Variants in KRT34 observed in about 807,000 individuals in gnomAD.
KRT34 encodes the protein keratin 34.
KRT34 carries 31 observed loss-of-function variants against 41.7 expected under a neutral mutation model. The observed-to-expected ratio is 0.74, with a 90% confidence interval of 0.56 to 1.00. KRT34 has a LOEUF of 1.00. Ranked by LOEUF, KRT34 falls within the 50% of genes least tolerant of loss-of-function variation. The pLI is 0.00. For synonymous variants in KRT34, 224 were observed against 212.9 expected (o/e 1.05, Z -0.45); for missense variants, 523 against 500.3 (o/e 1.05, Z -0.43).
At position 41,381,228 on chromosome 17, in the gene KRT34, T is replaced by A. The variant is rs767339688; in HGVS notation, c.432-16A>T. 5.0e-6 allele frequency: 8 copies of A among 1,608,944 alleles called. No individual in the cohort carries two copies. In the East Asian group the frequency reaches 1.6e-4, roughly 31 times the overall value. Reference sequence around the variant, plus strand: ...CGTCTGGTACCTGCACGTGTCGGAGTGGGAGGATAAGTCAGGAAAGAAAAC... The same window carrying A: ...CGTCTGGTACCTGCACGTGTCGGAGAGGGAGGATAAGTCAGGAAAGAAAAC... On this transcript the variant is annotated splice_polypyrimidine_tract_variant and intron_variant, in intron 2 of 6. Transcript: ENST00000394001.
Position 41,378,815 on chromosome 17 carries a change from G to A in KRT34, c.1097+141C>T, listed in dbSNP as rs1360987252. ...GTTCCCTTACCTTTGGCCTCCCTTT[G>A]CTTAGCTATCACAGATCACTGGACA... On this transcript the variant is annotated intron_variant, in intron 6 of 6. Transcript: ENST00000394001. The A allele has an allele frequency of 4.9e-6, 6 of 1,230,718 alleles. No homozygotes were observed. The South Asian group carries it at 7.1e-5, about 15-fold the overall frequency. 76.2% of individuals were successfully genotyped at this position (1,230,718 alleles called of 1,614,324 possible). A position where few individuals can be genotyped will look rare whatever the true frequency, so the allele number is the denominator to read the frequency against.
Position 41,379,097 on chromosome 17 carries a change from G to A in KRT34, c.956C>T (p.Thr319Ile), listed in dbSNP as rs754233528. 1 of 1,614,242 alleles carries A rather than the reference G, an allele frequency of 6.2e-7. No individual in the cohort carries two copies. Among genetic ancestry groups the A allele is most frequent in the Non-Finnish European group, 8.5e-7 (1 of 1,180,046 alleles). The change falls in exon 6 of 7, where the codon ACC becomes ATC. Residue 319 changes from threonine (T) to isoleucine (I), a missense_variant. Physicochemically the swap from Thr to Ile is moderately conservative, Grantham distance 89. Coordinates refer to ENST00000394001, the MANE Select transcript of KRT34 (RefSeq NM_001386014.1). ...CTCTGCCAGCTGAGACTCCACGTTG[G>A]TGATCAGGCTCTGCACCTGGGACAG... ...SQLSQVQSLITNVESQLAEIR... is the reference protein window; with the variant it reads ...SQLSQVQSLIINVESQLAEIR...
In KRT34 at chr17:41,382,209, C is replaced by T. The variant is rs139913573; in HGVS notation, c.38G>A (p.Arg13His). ...YSCCLPSLGC[R>H]TSCSSRPCVP... ...GCAGGGCCGGGAGGAGCAGCTGGTG[C>T]GGCAGCCCAGGCTGGGCAGGCAACA... The change falls in exon 1 of 7, where the codon CGC becomes CAC. Residue 13 changes from arginine (R) to histidine (H), a missense_variant. Coordinates refer to ENST00000394001, the MANE Select transcript of KRT34 (RefSeq NM_001386014.1). The T allele has an allele frequency of 4.0e-5, 64 of 1,612,410 alleles. No homozygotes were observed. The East Asian group carries it at 5.6e-4, about 14-fold the overall frequency.
In KRT34 at chr17:41,380,216, G is replaced by A. The variant is rs181890901; in HGVS notation, c.589-485C>T. ...GGATGTTACAGTGAGCCTAGATCACGCCACTGCACTCCAGCCTGGTGACAG... is the reference window on the plus strand; with the variant it reads ...GGATGTTACAGTGAGCCTAGATCACACCACTGCACTCCAGCCTGGTGACAG... On this transcript the variant is annotated intron_variant, in intron 3 of 6. Coordinates refer to ENST00000394001, the MANE Select transcript of KRT34 (RefSeq NM_001386014.1). 2.1e-4 allele frequency among the ~76,000 whole-genome samples: 31 copies of A among 150,924 alleles called. No individual in the cohort carries two copies. In the East Asian group the frequency reaches 5.7e-3, roughly 28 times the overall value.
At chr17:41,379,279 T>C in intron 5 of KRT34, 74 bp downstream of exon 5, 1 of 1,610,358 alleles carries the variant, frequency 6.2e-7, no homozygotes, top group Non-Finnish European at 8.5e-7. Flanking sequence ...GGAGAGTGTG[T>C]GGCCCCAAGC....
At chr17:41,379,542 C>T (rs1264857064) in intron 4 of KRT34, 28 bp downstream of exon 4, 1 of 1,613,874 alleles carries the variant, frequency 6.2e-7, no homozygotes, top group Non-Finnish European at 8.5e-7. Context: ...ACCTCGGGTC[C>T]TGAGTGGCCA....
chr17:41,378,266 T>TTTTTG lies in KRT34; in HGVS notation c.1098-125_1098-121dup, dbSNP rs1382396647. On this transcript the variant is annotated intron_variant, in intron 6 of 6. Coordinates refer to ENST00000394001, the MANE Select transcript of KRT34 (RefSeq NM_001386014.1). The stretch of plus-strand genomic sequence containing the variant: ...GCTGGAGTTAGTTGGAATCAAGTTC[T>TTTTTG]TTTTGTTTTGTTTTGTTTTGTTTTT... The TTTTTG allele has an allele frequency of 1.2e-4, 91 of 737,010 alleles. 1 individual carries two copies. The highest frequency in any genetic ancestry group is 9.0e-4 in the East Asian group (35 of 38,898). The allele number at this position is 737,010 out of a possible 1,614,324, so 45.7% of individuals were successfully genotyped here.
At position 41,381,717 on chromosome 17, in the gene KRT34, T is replaced by G. The variant is rs2017988618; in HGVS notation, c.427A>C (p.Ser143Arg). Reference sequence around the variant, plus strand: ...GGACCTTGAAGTTCAACATACTTGCTTCTGAAGTCGTCAGAGGCCAGCTTG... The same window carrying G: ...GGACCTTGAAGTTCAACATACTTGCGTCTGAAGTCGTCAGAGGCCAGCTTG... ...NAKLASDDFRSKYQTEQSLRL... is the reference protein window; with the variant it reads ...NAKLASDDFRRKYQTEQSLRL... The change falls in exon 2 of 7, where the codon AGC (serine) becomes CGC (arginine). Residue 143 changes from serine (S) to arginine (R), a missense_variant. By Grantham distance (110) the Ser-to-Arg change is moderately radical (BLOSUM62 -1). Coordinates refer to ENST00000394001, the MANE Select transcript of KRT34 (RefSeq NM_001386014.1). 6.2e-7 allele frequency: 1 copy of G among 1,613,888 alleles called. No individual in the cohort carries two copies. The highest frequency in any genetic ancestry group is 1.1e-5 in the South Asian group (1 of 91,084).
In KRT34 at chr17:41,379,160, T is replaced by G. The variant is rs768642794; in HGVS notation, c.893A>C (p.Asn298Thr). The stretch of plus-strand genomic sequence containing the variant: ...GTGGGCCTCGCTCTCCGTCAGCGTG[T>G]TTTCCAGAGAGTCTCGCTGTGGTGG... ...AQHNLRDSLE[N>T]TLTESEAHYS... is the part of the protein sequence containing the mutation. Residue 298 changes from asparagine to threonine, a missense_variant, in exon 6 of 7, where the codon AAC becomes ACC. Asn to Thr is a moderately conservative substitution (Grantham distance 65). Transcript: ENST00000394001. 2 of 1,614,146 alleles carry G rather than the reference T, an allele frequency of 1.2e-6. No homozygotes were observed. The highest frequency in any genetic ancestry group is 1.7e-5 in the Admixed American group (1 of 60,018).
chr17:41,379,327 C>T, intron 5 of KRT34, 26 bp downstream of exon 5: 2 of 1,613,096 alleles, frequency 1.2e-6, no homozygotes, highest in Non-Finnish European at 1.7e-6. Flanking sequence ...TCCCATCGCT[C>T]ACCAGCAGGT....
At chr17:41,380,876 C>T (rs1019502143) in intron 3 of KRT34, among the ~76,000 whole-genome samples, 180 bp downstream of exon 3, 1 of 152,134 alleles carries the variant, frequency 6.6e-6, no homozygotes, top group Non-Finnish European at 1.5e-5. Flanking sequence ...CTCACCCAGC[C>T]GCTGAAGAAT....
At chr17:41,383,282 G>T (rs2018033939), upstream of KRT34, among the ~76,000 whole-genome samples, 1 of 152,316 alleles carries the variant, frequency 6.6e-6, no homozygotes. Flanking sequence ...CTCCCAAAGT[G>T]CTGGGATTAC....
At chr17:41,378,684 C>T (rs2017900597) in intron 6 of KRT34, among the ~76,000 whole-genome samples, 1 of 152,168 alleles carries the variant, frequency 6.6e-6, no homozygotes, top group African/African-American at 2.4e-5. Context: ...TTATCTCATA[C>T]TCTTGAGGTC....
Position 41,381,787 on chromosome 17 carries a change from A to T in KRT34, c.357T>A (p.Cys119Ter). The T allele has an allele frequency of 6.2e-7, 1 of 1,614,230 alleles. No individual in the cohort carries two copies. Among genetic ancestry groups the T allele is most frequent in the East Asian group, 2.2e-5 (1 of 44,882 alleles). ...CCAGCCTGGCATTCTCAGCCTTGGC[A>T]CACAGAATCTGAAAAGAAATTTCTC... Reference protein sequence around the residue: ...TIEELQQKILCAKAENARLVV... With the variant: ...TIEELQQKIL The change falls in exon 2 of 7, where the codon TGT becomes TGA. Residue 119 changes from cysteine (C) to a stop codon, truncating the protein, a stop_gained. Coordinates refer to ENST00000394001, the MANE Select transcript of KRT34 (RefSeq NM_001386014.1). LOFTEE classifies it high-confidence loss of function.
At position 41,378,071 on chromosome 17, in the gene KRT34, A is replaced by G; in HGVS notation, c.1173T>C (p.Gly391=). 6.2e-7 allele frequency: 1 copy of G among 1,612,994 alleles called. No individual in the cohort carries two copies. The highest frequency in any genetic ancestry group is 2.2e-5 in the East Asian group (1 of 44,874). Residue 391 remains glycine, a synonymous_variant, in exon 7 of 7, where the codon GGT becomes GGC. Coordinates refer to ENST00000394001, the MANE Select transcript of KRT34 (RefSeq NM_001386014.1). ...GGATACAAGCTTTTCAATTACAGCA[A>G]CCCTTTTGAGAGGTGCCACAGGGTC... ...SCGPCGTSQK[G]CCN
chr17:41,381,029 G>A (rs199639358), intron 3 of KRT34, 27 bp downstream of exon 3: 4 of 1,610,988 alleles, frequency 2.5e-6, no homozygotes, highest in Non-Finnish European at 3.4e-6. Context: ...TAGTTCTGAG[G>A]CCTGCTTTTG....
intron 3 of KRT34, among the ~76,000 whole-genome samples, chr17:41,380,042 C>T (rs1325574027): frequency 2.6e-5 from 4 of 152,270 alleles, no homozygotes; most frequent in Non-Finnish European, 4.4e-5. Flanking sequence ...AGGTGGATCA[C>T]GAAGTCAGGA....
chr17:41,383,683 T>G (rs192265369), upstream of KRT34, among the ~76,000 whole-genome samples: 28 of 152,314 alleles, frequency 1.8e-4, 1 homozygote, highest in East Asian at 5.4e-3. Flanking sequence ...CTCTGGAAAT[T>G]TCTATCATCT....
chr17:41,381,662 T>TA, intron 2 of KRT34, 51 bp downstream of exon 2: 1 of 1,461,310 alleles, frequency 6.8e-7, no homozygotes, highest in South Asian at 1.2e-5. Context: ...CAGGCAATAG[T>TA]AGGTCCCTAG....
Sources: gnomAD v4.1 joint callset for allele counts (sites outside exome capture counted in the v4.1 genomes callset) on GRCh38, gnomAD v4.1.1 for gene constraint, MANE v1.5 for transcripts, NCBI Gene and HGNC (gene_info 2026-07-23, HGNC 2026-07-21) for gene names.